Variants in AKAP13 observed in about 807,000 individuals in gnomAD.
AKAP13 encodes the protein A-kinase anchor protein 13.
A neutral mutation model predicts 264.5 loss-of-function variants in AKAP13; 80 were observed. The observed-to-expected ratio is 0.30, with a 90% CI of 0.25 to 0.36. The LOEUF is 0.36. Among genes scored for constraint, AKAP13 ranks in the 10% least tolerant of loss-of-function variants. The pLI is 1.00. For missense variants in AKAP13, 3,712 were observed against 3,435.2 expected, an observed-to-expected ratio of 1.08 and a Z score of -2.01; for synonymous variants, 1,380 against 1,250.2, an observed-to-expected ratio of 1.10 and a Z score of -2.19.
rs2087469241 is a variant in AKAP13 at position 85,724,220 on chromosome 15, C to T, written c.6745+900C>T. Among the ~76,000 whole-genome samples the T allele has an allele frequency of 6.6e-6, 1 of 152,124 alleles. No individual in the cohort carries two copies. Among genetic ancestry groups the T allele is most frequent in the South Asian group, 2.1e-4 (1 of 4,822 alleles). ...ATAACTGCTATAGGAAATGCCCACG[C>T]ATAGAACAAATGGTAAAGAAGTTCC... is the stretch of plus-strand genomic sequence containing the variant. On this transcript the variant is annotated intron_variant, in intron 26 of 36. Transcript: ENST00000394518. This position sits in a 1 kb window ranked among gnomAD's most constrained non-coding sequence, Gnocchi z 4.2.
At chr15:85,630,292 T>C (rs1351221559) in intron 8 of AKAP13, among the ~76,000 whole-genome samples, 1 of 116,766 alleles carries the variant, frequency 8.6e-6, no homozygotes, top group African/African-American at 3.2e-5. Flanking sequence ...AGATGGAAAA[T>C]TGTAATTCCG....
intron 10 of AKAP13, among the ~76,000 whole-genome samples, chr15:85,648,284 A>G (rs373316759): frequency 6.6e-6 from 1 of 151,664 alleles, no homozygotes; most frequent in Admixed American, 6.6e-5. Flanking sequence ...TAACGTAAAA[A>G]GTTTTTTAAA....
chr15:85,715,508 A>C (rs1235197440), intron 19 of AKAP13, among the ~76,000 whole-genome samples: 4 of 151,902 alleles, frequency 2.6e-5, no homozygotes, highest in Non-Finnish European at 5.9e-5. Flanking sequence ...TCACCAAACT[A>C]TCCTCCATGG....
At chr15:85,448,035 G>GT (rs978029036) in intron 1 of AKAP13, among the ~76,000 whole-genome samples, 7 of 152,050 alleles carry the variant, frequency 4.6e-5, no homozygotes, top group African/African-American at 1.4e-4. Context: ...AGCATCTGCT[G>GT]TTTTTTTGAC....
In AKAP13 at chr15:85,744,908, A is replaced by T. The variant is rs1303880085; in HGVS notation, c.*231A>T. ...TGATTTGTGACTGCCCAGGACTCTC[A>T]GGTTGGGCTGGCCCTACTCAGGATT... is the stretch of plus-strand genomic sequence containing the variant. On this transcript the variant is annotated 3_prime_UTR_variant, in exon 37 of 37. Coordinates refer to ENST00000394518, the MANE Select transcript of AKAP13 (RefSeq NM_007200.5). 2.2e-6 allele frequency: 1 copy of T among 464,080 alleles called. No homozygotes were observed. The highest frequency in any genetic ancestry group is 2.0e-5 in the African/African-American group (1 of 48,996). The allele number at this position is 464,080 out of a possible 1,614,324, so 28.7% of individuals were successfully genotyped here.
At chr15:85,442,467 AAT>A (rs1455921860) in intron 1 of AKAP13, among the ~76,000 whole-genome samples, 4 of 126,370 alleles carry the variant, frequency 3.2e-5, no homozygotes, top group Admixed American at 8.7e-5. Context: ...TAATATACAT[AAT>A]ATATATTATA....
At chr15:85,743,379 G>A (rs976624960) in intron 35 of AKAP13, 113 bp from the exon 36 acceptor site, 16 of 1,136,692 alleles carry the variant, frequency 1.4e-5, no homozygotes, top group Middle Eastern at 2.1e-4. Context: ...AGTTCGCAGA[G>A]GTGGGTAAGT....
intron 10 of AKAP13, among the ~76,000 whole-genome samples, chr15:85,653,822 A>G (rs1281369610): frequency 6.6e-6 from 1 of 152,232 alleles, no homozygotes; most frequent in African/African-American, 2.4e-5. Context: ...CAGTGTCCAC[A>G]TCTTAAGAGT....
intron 1 of AKAP13, among the ~76,000 whole-genome samples, chr15:85,437,883 A>G (rs1193589680): frequency 1.3e-5 from 2 of 151,146 alleles, no homozygotes; most frequent in Non-Finnish European, 3.0e-5. Flanking sequence ...AAAAACTGGA[A>G]GCATTCCCTT....
chr15:85,722,412 T>A, intron 25 of AKAP13, 65 bp downstream of exon 25: 1 of 1,340,388 alleles, frequency 7.5e-7, no homozygotes, highest in Non-Finnish European at 1.0e-6. Flanking sequence ...CCAGTAGTAC[T>A]GGAAGCCCCA....
chr15:85,470,412 C>T (rs1341144722), intron 1 of AKAP13, among the ~76,000 whole-genome samples: 2 of 152,178 alleles, frequency 1.3e-5, no homozygotes, highest in East Asian at 1.9e-4. Context: ...GTGCCTGATT[C>T]TGTTTCGATG....
At chr15:85,610,234 T>C (rs979479290) in intron 8 of AKAP13, among the ~76,000 whole-genome samples, 9 of 152,248 alleles carry the variant, frequency 5.9e-5, no homozygotes. Context: ...TTGTTTTTTA[T>C]GGAATGAAGT....
At chr15:85,637,640 A>G (rs2082121466) in intron 8 of AKAP13, among the ~76,000 whole-genome samples, 1 of 150,784 alleles carries the variant, frequency 6.6e-6, no homozygotes, top group Admixed American at 6.6e-5. Context: ...TTTGTTCTTT[A>G]TTTTCTTTAT....
At chr15:85,418,244 T>A (rs1285600633) in intron 1 of AKAP13, among the ~76,000 whole-genome samples, 1 of 151,932 alleles carries the variant, frequency 6.6e-6, no homozygotes, top group African/African-American at 2.4e-5. Flanking sequence ...CCTGTCTAAT[T>A]ATTTTATATT....
intron 16 of AKAP13, among the ~76,000 whole-genome samples, chr15:85,692,478 A>G (rs2085340512): frequency 2.7e-5 from 4 of 150,418 alleles, no homozygotes; most frequent in Non-Finnish European, 4.4e-5. Flanking sequence ...ACTGAGTAGT[A>G]GTAGTGGTGG....
chr15:85,699,578 A>C (rs1423923505), intron 17 of AKAP13, among the ~76,000 whole-genome samples: 2 of 152,238 alleles, frequency 1.3e-5, no homozygotes, highest in Non-Finnish European at 2.9e-5. Flanking sequence ...GATTGTTTGA[A>C]TTTTTAGAGA....
intron 6 of AKAP13, among the ~76,000 whole-genome samples, chr15:85,577,255 A>G (rs954897917): frequency 6.6e-6 from 1 of 152,218 alleles, no homozygotes; most frequent in African/African-American, 2.4e-5. Context: ...CAATATATTC[A>G]CTGAGTGAGT....
intron 1 of AKAP13, among the ~76,000 whole-genome samples, chr15:85,422,963 T>C (rs138322349): frequency 3.5e-4 from 54 of 152,376 alleles, no homozygotes; most frequent in African/African-American, 6.3e-4. Context: ...TGTTTTTTGT[T>C]TCCCGGTGCA....
chr15:85,679,547 A>G (rs1046802289), intron 14 of AKAP13, among the ~76,000 whole-genome samples: 2 of 152,192 alleles, frequency 1.3e-5, no homozygotes, highest in African/African-American at 4.8e-5. Context: ...GTGGATTTTC[A>G]AGGCAGTGTT....
Sources: gnomAD v4.1 joint callset for allele counts (sites outside exome capture counted in the v4.1 genomes callset) on GRCh38, gnomAD v4.1.1 for gene constraint, Gnocchi (gnomAD v3.1) non-coding constraint, MANE v1.5 for transcripts, NCBI Gene and HGNC (gene_info 2026-07-23, HGNC 2026-07-21) for gene names.